The following ALPK1 variants were observed in gnomAD, a reference collection of about 807,000 sequenced individuals.
ALPK1 encodes the protein alpha kinase 1.
Under a neutral mutation model 120.6 loss-of-function variants are expected in ALPK1, and 110 were observed. That is an observed-to-expected ratio of 0.91 (90% CI 0.78 to 1.07). The LOEUF (loss-of-function observed/expected upper bound fraction) is 1.07, where lower values mean the gene tolerates loss of function less well. Among genes scored for constraint, ALPK1 ranks in the 50% least tolerant of loss-of-function variants. The pLI, the probability that ALPK1 is intolerant of heterozygous loss-of-function variation, is 0.00. For synonymous variants in ALPK1, 582 were observed against 560.3 expected (o/e 1.04, Z -0.55); for missense variants, 1,498 against 1,483.9 (o/e 1.01, Z -0.16).
In ALPK1 at chr4:112,441,449, G is replaced by A; in HGVS notation, c.*239G>A. The A allele has an allele frequency of 1.7e-6, 1 of 576,648 alleles. No homozygotes were observed. The highest frequency in any genetic ancestry group is 3.1e-6 in the Non-Finnish European group (1 of 323,636). The allele number at this position is 576,648 out of a possible 1,614,324, so 35.7% of individuals were successfully genotyped here. A position where few individuals can be genotyped will look rare whatever the true frequency, so the allele number is the denominator to read the frequency against. On this transcript the variant is annotated 3_prime_UTR_variant, in exon 16 of 16. Coordinates refer to ENST00000650871, the MANE Select transcript of ALPK1 (RefSeq NM_025144.4). The stretch of plus-strand genomic sequence containing the variant: ...TGGAAAACAGCCCCAACTCACCCAT[G>A]AGGGATGAAAAGCACTCTTGAGAAA...
At chr4:112,424,231 T>G (rs1285667105) in intron 6 of ALPK1, among the ~76,000 whole-genome samples, 1 of 151,944 alleles carries the variant, frequency 6.6e-6, no homozygotes. Context: ...AGGAACCTAC[T>G]ATTGGCCTGC....
chr4:112,308,530 T>C (rs1312032514), intron 1 of ALPK1, among the ~76,000 whole-genome samples: 1 of 152,164 alleles, frequency 6.6e-6, no homozygotes, highest in African/African-American at 2.4e-5. Flanking sequence ...TTTCTTCCAG[T>C]TGATCGAATC....
chr4:112,428,246 A>C (rs892903998), intron 9 of ALPK1: 3 of 152,632 alleles, frequency 2.0e-5, no homozygotes, highest in Admixed American at 6.5e-5. Flanking sequence ...TTACACAACC[A>C]GTAAGAGAGA....
chr4:112,304,125 A>G (rs914281556), intron 1 of ALPK1, among the ~76,000 whole-genome samples: 12 of 152,330 alleles, frequency 7.9e-5, no homozygotes, highest in Admixed American at 1.3e-4. Context: ...TATATGTGCC[A>G]CATTTTCTTA....
At chr4:112,416,711 C>T (rs1030043617) in intron 5 of ALPK1, among the ~76,000 whole-genome samples, 4 of 151,744 alleles carry the variant, frequency 2.6e-5, no homozygotes. Flanking sequence ...CTCATCTCTA[C>T]AAAAAATAAA....
chr4:112,416,500 A>G (rs1232859761), intron 5 of ALPK1, among the ~76,000 whole-genome samples: 1 of 152,216 alleles, frequency 6.6e-6, no homozygotes, highest in Admixed American at 6.5e-5. Context: ...AAGCATAGGA[A>G]GACTTCTAGC....
chr4:112,391,040 A>G (rs891896544), intron 4 of ALPK1, among the ~76,000 whole-genome samples: 2 of 152,242 alleles, frequency 1.3e-5, no homozygotes, highest in African/African-American at 4.8e-5. Context: ...GGAATGAGCT[A>G]GACTGAGGTA....
rs368970842 is a variant in ALPK1, at chr4:112,424,065, A to G, written c.535+62A>G. 81 of 1,505,518 alleles carry G rather than the reference A, an allele frequency of 5.4e-5. No individual in the cohort carries two copies. The East Asian group carries it at 7.4e-4, about 14-fold the overall frequency. The allele number at this position is 1,505,518 out of a possible 1,614,324, so 93.3% of individuals were successfully genotyped here. A position where few individuals can be genotyped will look rare whatever the true frequency, so the allele number is the denominator to read the frequency against. ...CAGCCCCGAACAGAGCACTCATTTA[A>G]TAACAACTTAGTGACTTAATAGTTA... On this transcript the variant is annotated intron_variant, in intron 6 of 15. Coordinates refer to ENST00000650871, the MANE Select transcript of ALPK1 (RefSeq NM_025144.4).
chr4:112,324,753 A>G (rs1729031758), intron 2 of ALPK1, among the ~76,000 whole-genome samples: 1 of 152,162 alleles, frequency 6.6e-6, no homozygotes, highest in African/African-American at 2.4e-5. Context: ...TTGGAATTAC[A>G]GGTGTTAGCT....
intron 2 of ALPK1, among the ~76,000 whole-genome samples, chr4:112,348,098 T>C (rs1730176317): frequency 6.6e-6 from 1 of 152,192 alleles, no homozygotes; most frequent in Non-Finnish European, 1.5e-5. Flanking sequence ...AGCCAGGTGA[T>C]TGGCGTTCTG....
intron 11 of ALPK1, among the ~76,000 whole-genome samples, chr4:112,434,296 G>A (rs865995095): frequency 6.6e-6 from 1 of 152,028 alleles, no homozygotes; most frequent in South Asian, 2.1e-4. Context: ...ATTTCCATCC[G>A]GCTTCTCTAA....
intron 1 of ALPK1, among the ~76,000 whole-genome samples, chr4:112,300,556 A>G (rs908452295): frequency 3.3e-5 from 5 of 152,102 alleles, no homozygotes; most frequent in South Asian, 2.1e-4. Context: ...TCTCAGTGCT[A>G]GGAACAAACA....
chr4:112,372,521 T>A (rs1475416760), intron 2 of ALPK1, among the ~76,000 whole-genome samples: 7 of 152,248 alleles, frequency 4.6e-5, no homozygotes, highest in Non-Finnish European at 8.8e-5. Context: ...CTTTCTTTTT[T>A]AATTTTATTT....
chr4:112,425,605 G>A (rs1578563186), intron 6 of ALPK1, 60 bp from the exon 7 acceptor site: 2 of 1,419,884 alleles, frequency 1.4e-6, no homozygotes, highest in African/African-American at 2.8e-5. Context: ...TGTGAAAATA[G>A]TTTTAATTTG....
intron 3 of ALPK1, among the ~76,000 whole-genome samples, chr4:112,381,162 A>G (rs1357053537): frequency 6.6e-6 from 1 of 152,224 alleles, no homozygotes; most frequent in Non-Finnish European, 1.5e-5. Context: ...CAAGATTCAG[A>G]CAATAATTCA....
chr4:112,395,518 G>A (rs1186664823), intron 4 of ALPK1, among the ~76,000 whole-genome samples: 2 of 152,040 alleles, frequency 1.3e-5, no homozygotes, highest in African/African-American at 4.8e-5. Context: ...TTTTACACAG[G>A]CACATTATAC....
At chr4:112,405,501 G>A (rs1263335666) in intron 4 of ALPK1, among the ~76,000 whole-genome samples, 1 of 151,938 alleles carries the variant, frequency 6.6e-6, no homozygotes, top group African/African-American at 2.4e-5. Context: ...TCATTATAAT[G>A]AAGGAAGCGG....
chr4:112,310,232 T>C (rs1230154508), intron 1 of ALPK1, among the ~76,000 whole-genome samples: 2 of 152,236 alleles, frequency 1.3e-5, no homozygotes, highest in African/African-American at 2.4e-5. Context: ...AATTAATTCA[T>C]AAATTCATCA....
Position 112,435,285 on chromosome 4 carries a change from G to A in ALPK1, c.3172G>A (p.Glu1058Lys). Residue 1058 changes from glutamate to lysine, a missense_variant, in exon 12 of 16, where the codon GAA becomes AAA. By Grantham distance (56) the Glu-to-Lys change is moderately conservative. Transcript: ENST00000650871. ...TTTTTGGGTTCATCATCTTCATCAA[G>A]AAGAAATTCTGGGGAGGTATTACTT... Reference protein sequence around the residue: ...NAFWVHHLHQEEILGRYVGKD... With the variant: ...NAFWVHHLHQKEILGRYVGKD... 3 of 1,609,854 alleles carry A rather than the reference G, an allele frequency of 1.9e-6. No homozygotes were observed. The highest frequency in any genetic ancestry group is 2.5e-6 in the Non-Finnish European group (3 of 1,178,966).
Sources: gnomAD v4.1 joint callset for allele counts (sites outside exome capture counted in the v4.1 genomes callset) on GRCh38, gnomAD v4.1.1 for gene constraint, MANE v1.5 for transcripts, NCBI Gene and HGNC (gene_info 2026-07-23, HGNC 2026-07-21) for gene names.